Variants in ITSN1 observed in about 807,000 individuals in gnomAD.
ITSN1 encodes the protein intersectin-1.
Under a neutral mutation model 239.8 loss-of-function variants are expected in ITSN1, and 58 were observed. That is an observed-to-expected ratio of 0.24 (90% confidence interval 0.20 to 0.30). The LOEUF is 0.30. ITSN1 is among the 10% of genes least tolerant of loss of function. ITSN1 has a pLI of 1.00. For missense variants in ITSN1, 1,558 were observed against 2,103.3 expected, an observed-to-expected ratio of 0.74 and a Z score of 5.07; for synonymous variants, 780 against 770.8, an observed-to-expected ratio of 1.01 and a Z score of -0.20.
rs1491569549 is a variant in ITSN1, at chr21:33,711,652, T to TGTGTG, written c.-32-7145_-32-7144insGTGTG. Among the ~76,000 whole-genome samples the TGTGTG allele has an allele frequency of 3.3e-4, 44 of 134,890 alleles. No individual in the cohort carries two copies. The South Asian group carries it at 8.9e-3, about 27-fold the overall frequency. 88.5% of individuals were successfully genotyped at this position (134,890 alleles called of 152,430 possible). ...TTTTGGCTATGTCTTTTTCTGTGTG[T>TGTGTG]TGTGTGTGTGTGTGTGTGTGTGTGT... On this transcript the variant is annotated intron_variant, in intron 1 of 39. Coordinates refer to ENST00000381318, the MANE Select transcript of ITSN1 (RefSeq NM_003024.3).
intron 27 of ITSN1, among the ~76,000 whole-genome samples, chr21:33,830,543 G>A (rs1310353360): frequency 6.6e-6 from 1 of 151,726 alleles, no homozygotes; most frequent in Non-Finnish European, 1.5e-5. Context: ...GGGAGGGAGT[G>A]ACTGGTCTTC....
At chr21:33,885,588 C>T in intron 38 of ITSN1, 66 bp downstream of exon 38, 2 of 1,176,020 alleles carry the variant, frequency 1.7e-6, no homozygotes, top group Non-Finnish European at 2.6e-6. Flanking sequence ...TTCCCCACAC[C>T]CCCACCTGGC....
At chr21:33,868,868 G>T (rs190759470) in intron 33 of ITSN1, among the ~76,000 whole-genome samples, 1 of 152,122 alleles carries the variant, frequency 6.6e-6, no homozygotes, top group Non-Finnish European at 1.5e-5. Context: ...CTGCCAGCAC[G>T]CTGTCACCTC....
chr21:33,739,127 A>G (rs893550757), intron 5 of ITSN1, among the ~76,000 whole-genome samples: 3 of 152,170 alleles, frequency 2.0e-5, no homozygotes, highest in Non-Finnish European at 4.4e-5. Context: ...TTAACACACT[A>G]TAGAATTAAG....
intron 1 of ITSN1, among the ~76,000 whole-genome samples, chr21:33,649,143 A>G (rs1452860469): frequency 6.6e-6 from 1 of 152,186 alleles, no homozygotes. Flanking sequence ...GTGTGTGTCC[A>G]GGTAGTTCCA....
At chr21:33,736,560 G>A (rs2147274331) in intron 5 of ITSN1, among the ~76,000 whole-genome samples, 1 of 152,348 alleles carries the variant, frequency 6.6e-6, no homozygotes, top group Admixed American at 6.5e-5. Flanking sequence ...TGGGGCCGTT[G>A]TTTGTCTTGT....
chr21:33,737,562 CATTGTTTTATTT>C (rs1297546102), intron 5 of ITSN1, among the ~76,000 whole-genome samples: 1 of 151,926 alleles, frequency 6.6e-6, no homozygotes, highest in East Asian at 1.9e-4. Flanking sequence ...TTACTATTGT[CATTGTTTTATTT>C]ATTTATTTAT....
Position 33,888,203 on chromosome 21 carries a change from G to T in ITSN1, c.5069G>T (p.Gly1690Val). Residue 1690 changes from glycine to valine, a missense_variant, in exon 40 of 40, where the codon GGC becomes GTC. Physicochemically the swap from Gly to Val is moderately radical, Grantham distance 109. Around this residue, in one of 2 missense-constraint regions of ITSN1, gnomAD observed 576 missense variants for 893.3 expected, o/e 0.64. Coordinates refer to ENST00000381318, the MANE Select transcript of ITSN1 (RefSeq NM_003024.3). ...GTGGCGGACATCAAGAAAGACCAGGGCTCCAAAGGTCCAGTTACGAAGTGT... is the reference window on the plus strand; with the variant it reads ...GTGGCGGACATCAAGAAAGACCAGGTCTCCAAAGGTCCAGTTACGAAGTGT... ...IRVADIKKDQ[G>V]SKGPVTKCLL... 1 of 1,614,078 alleles carries T rather than the reference G, an allele frequency of 6.2e-7. No individual in the cohort carries two copies. Among genetic ancestry groups the T allele is most frequent in the Non-Finnish European group, 8.5e-7 (1 of 1,180,010 alleles).
chr21:33,679,734 C>T (rs1276517703), intron 1 of ITSN1, among the ~76,000 whole-genome samples: 10 of 111,374 alleles, frequency 9.0e-5, no homozygotes, highest in African/African-American at 2.4e-4. Context: ...GACGGAGTCT[C>T]GCTCTGTCAC....
In ITSN1 at chr21:33,882,684, C is replaced by T. The variant is rs1202126387; in HGVS notation, c.4554+229C>T. On this transcript the variant is annotated intron_variant, in intron 35 of 39. Transcript: ENST00000381318. The surrounding 1 kb of genome is among the most constrained non-coding windows in gnomAD (Gnocchi z 4.5). ...GAACATATTGGCTGCCAAATGGCTG[C>T]TGTGGTCCCCTGGGATGTGACAGAG... is the stretch of plus-strand genomic sequence containing the variant. Among the ~76,000 whole-genome samples, 2 of 152,130 alleles carry T rather than the reference C, an allele frequency of 1.3e-5. No homozygotes were observed. Among genetic ancestry groups the T allele is most frequent in the Non-Finnish European group, 2.9e-5 (2 of 68,024 alleles).
At chr21:33,659,193 T>G (rs1180854881) in intron 1 of ITSN1, among the ~76,000 whole-genome samples, 1 of 152,186 alleles carries the variant, frequency 6.6e-6, no homozygotes, top group South Asian at 2.1e-4. Flanking sequence ...GAGAGCTGGG[T>G]TGGTGAACCC....
chr21:33,793,241 G>A (rs1425675344), intron 16 of ITSN1, among the ~76,000 whole-genome samples: 1 of 152,026 alleles, frequency 6.6e-6, no homozygotes, highest in African/African-American at 2.4e-5. Context: ...GGAATTTTAG[G>A]GCCTGGAAGA....
chr21:33,846,079 C>T (rs2074981394), intron 29 of ITSN1, among the ~76,000 whole-genome samples: 2 of 152,132 alleles, frequency 1.3e-5, no homozygotes, highest in South Asian at 4.1e-4. Flanking sequence ...GGAGGTGGTG[C>T]TTGGGTCCAG....
In ITSN1 at chr21:33,898,059, G is replaced by C. The variant is rs892658312; in HGVS notation, c.*9759G>C. The C allele has an allele frequency of 1.3e-5, 2 of 152,188 alleles. No individual in the cohort carries two copies. Among genetic ancestry groups the C allele is most frequent in the African/African-American group, 4.8e-5 (2 of 41,438 alleles). 9.4% of individuals were successfully genotyped at this position (152,188 alleles called of 1,614,324 possible). A position where few individuals can be genotyped will look rare whatever the true frequency, so the allele number is the denominator to read the frequency against. ...AGATCACATATCTGAGAGGGTACTT[G>C]TGTCAGGAAGGATGAGAGGATAGGG... On this transcript the variant is annotated 3_prime_UTR_variant, in exon 40 of 40. Transcript: ENST00000381318.
At chr21:33,705,380 CA>C (rs1568984186) in intron 1 of ITSN1, among the ~76,000 whole-genome samples, 2 of 151,974 alleles carry the variant, frequency 1.3e-5, no homozygotes, top group African/African-American at 4.8e-5. Flanking sequence ...TTAAAACCTA[CA>C]TTTTTTCTTT....
chr21:33,722,394 G>T (rs999174442), intron 3 of ITSN1, among the ~76,000 whole-genome samples, 194 bp from the exon 4 acceptor site: 7 of 152,112 alleles, frequency 4.6e-5, no homozygotes, highest in Non-Finnish European at 8.8e-5. Context: ...ATGATTTTTT[G>T]AATTCTAAAG....
chr21:33,730,521 C>T (rs2066113009), intron 4 of ITSN1, among the ~76,000 whole-genome samples: 1 of 149,854 alleles, frequency 6.7e-6, no homozygotes. Flanking sequence ...CTGCCTCAGC[C>T]TCCTGAGTAG....
intron 1 of ITSN1, among the ~76,000 whole-genome samples, chr21:33,677,812 T>G (rs1286643701): frequency 6.6e-6 from 1 of 152,212 alleles, no homozygotes; most frequent in Non-Finnish European, 1.5e-5. Context: ...TCTTGTAGAC[T>G]TTCTGTCCAG....
In ITSN1 at chr21:33,782,002, C is replaced by A. The variant is rs139132438; in HGVS notation, c.1693C>A (p.Leu565Ile). 1 of 1,597,368 alleles carries A rather than the reference C, an allele frequency of 6.3e-7. No homozygotes were observed. The highest frequency in any genetic ancestry group is 8.5e-7 in the Non-Finnish European group (1 of 1,175,712). ...ACGTTTTTCTAAAATAGGAGATTCA[C>A]TTGTTACACTTAAAAGAGCCTTAGA... ...VQQNSLHRDS[L>I]VTLKRALEAK... The change falls in exon 16 of 40, where the codon CTT becomes ATT. Residue 565 changes from leucine to isoleucine, a missense_variant. Around this residue, in one of 2 missense-constraint regions of ITSN1, gnomAD observed 982 missense variants for 1,209.9 expected, o/e 0.81. Coordinates refer to ENST00000381318, the MANE Select transcript of ITSN1 (RefSeq NM_003024.3).
Sources: gnomAD v4.1 joint callset for allele counts (sites outside exome capture counted in the v4.1 genomes callset) on GRCh38, gnomAD v4.1.1 for gene constraint, gnomAD v4.1.1 regional missense constraint, Gnocchi (gnomAD v3.1) non-coding constraint, MANE v1.5 for transcripts, NCBI Gene and HGNC (gene_info 2026-07-23, HGNC 2026-07-21) for gene names.